LPP: variants seen among roughly 807,000 people sequenced by gnomAD.
LPP encodes lipoma-preferred partner.
Under a neutral mutation model 60.4 loss-of-function variants are expected in LPP, and 38 were observed. The observed-to-expected ratio is 0.63, with a 90% CI of 0.49 to 0.83. LPP has a LOEUF of 0.83. Ranked by LOEUF, LPP falls within the 40% of genes least tolerant of loss-of-function variation. The pLI is 0.00. For missense variants in LPP, 902 were observed against 783.6 expected, an observed-to-expected ratio of 1.15 and a Z score of -1.80; for synonymous variants, 328 against 290.8, an observed-to-expected ratio of 1.13 and a Z score of -1.30.
At chr3:188,443,218 G>A (rs1483831319) in intron 4 of LPP, among the ~76,000 whole-genome samples, 17 of 152,178 alleles carry the variant, frequency 1.1e-4, no homozygotes, top group African/African-American at 2.2e-4. Flanking sequence ...TCTATTAAGT[G>A]TTCATTGACC....
chr3:188,492,724 C>T (rs936622980), intron 5 of LPP, among the ~76,000 whole-genome samples: 1 of 151,834 alleles, frequency 6.6e-6, no homozygotes, highest in Middle Eastern at 3.2e-3. Context: ...AAAACAGTAA[C>T]GTAAAAAAAT....
chr3:188,410,777 A>T (rs567734858), intron 4 of LPP, among the ~76,000 whole-genome samples: 24 of 152,174 alleles, frequency 1.6e-4, no homozygotes, highest in Non-Finnish European at 2.9e-5. Context: ...TTTGGGGAAC[A>T]GGTGGTTTTT....
chr3:188,438,354 TACAC>T (rs67832532), intron 4 of LPP, among the ~76,000 whole-genome samples: 8,494 of 137,952 alleles, frequency 0.062, 351 homozygotes, highest in East Asian at 0.16. Context: ...TTCCATGCAT[TACAC>T]ACACACACAC....
chr3:188,827,671 A>T (rs952145003), intron 9 of LPP, among the ~76,000 whole-genome samples: 1 of 152,114 alleles, frequency 6.6e-6, no homozygotes, highest in African/African-American at 2.4e-5. Context: ...GTAGAAGGAG[A>T]TGAAGGCCAG....
rs114067668 is a variant in LPP, at chr3:188,459,842, G to T, written c.194-24750G>T. Reference sequence around the variant, plus strand: ...AGCAATCTATATTGATTATTCATGGGGGGGGGTTCTTTGTTCTGAGATCAG... The same window carrying T: ...AGCAATCTATATTGATTATTCATGGTGGGGGGTTCTTTGTTCTGAGATCAG... On this transcript the variant is annotated intron_variant, in intron 4 of 11. Transcript: ENST00000617246. Among the ~76,000 whole-genome samples, 7 of 151,218 alleles carry T rather than the reference G, an allele frequency of 4.6e-5. No individual in the cohort carries two copies. In the East Asian group the frequency reaches 1.2e-3, roughly 25 times the overall value.
intron 4 of LPP, among the ~76,000 whole-genome samples, chr3:188,426,918 G>A (rs1436093234): frequency 6.6e-6 from 1 of 152,162 alleles, no homozygotes; most frequent in Non-Finnish European, 1.5e-5. Flanking sequence ...TTGCCAGTCT[G>A]TGTCTTTTAA....
intron 2 of LPP, among the ~76,000 whole-genome samples, chr3:188,234,014 G>T (rs1721017820): frequency 6.6e-6 from 1 of 151,974 alleles, no homozygotes; most frequent in Non-Finnish European, 1.5e-5. Flanking sequence ...TACTTCACTG[G>T]TTCCCACAAA....
chr3:188,626,401 T>G (rs1217713339), intron 7 of LPP, among the ~76,000 whole-genome samples: 2 of 152,150 alleles, frequency 1.3e-5, no homozygotes, highest in African/African-American at 2.4e-5. Flanking sequence ...TATAAGGGAT[T>G]TGAGCATCCA....
At position 188,529,029 on chromosome 3, in the gene LPP, T is replaced by C. The variant is rs145403950; in HGVS notation, c.429+4242T>C. Among the ~76,000 whole-genome samples the C allele has an allele frequency of 1.9e-4, 29 of 152,350 alleles. 1 individual carries two copies. Among genetic ancestry groups the C allele is most frequent in the African/African-American group, 6.7e-4 (28 of 41,580 alleles). On this transcript the variant is annotated intron_variant, in intron 6 of 11. Coordinates refer to ENST00000617246, the MANE Select transcript of LPP (RefSeq NM_001375462.1). The stretch of plus-strand genomic sequence containing the variant: ...CCTGTTCCATTCAGAAATTAAAGGA[T>C]GATCCATTCTAATTTTTTTCTATTA...
At chr3:188,592,553 T>TTTTTTTTTTTTGTTTG (rs1553936328) in intron 6 of LPP, among the ~76,000 whole-genome samples, 7 of 121,280 alleles carry the variant, frequency 5.8e-5, no homozygotes, top group African/African-American at 1.7e-4. Flanking sequence ...TTAGTTTTGT[T>TTTTTTTTTTTTGTTTG]TTTGTTTTTT....
chr3:188,451,982 T>C (rs1796695145), intron 4 of LPP, among the ~76,000 whole-genome samples: 1 of 152,156 alleles, frequency 6.6e-6, no homozygotes, highest in African/African-American at 2.4e-5. Flanking sequence ...AAAAAATAGG[T>C]AAGGGGCTCG....
chr3:188,174,437 G>A (rs777856768), intron 1 of LPP, among the ~76,000 whole-genome samples: 4 of 152,226 alleles, frequency 2.6e-5, no homozygotes, highest in South Asian at 2.1e-4. Flanking sequence ...CGAAGCGTGC[G>A]CAGGCATTGA....
intron 9 of LPP, among the ~76,000 whole-genome samples, chr3:188,856,072 G>T (rs13080902): frequency 0.12 from 18,126 of 152,148 alleles, 1,547 homozygotes; most frequent in Non-Finnish European, 0.18. Flanking sequence ...CTTCACAGGC[G>T]TGGGTACCAG....
intron 7 of LPP, among the ~76,000 whole-genome samples, chr3:188,619,635 A>G (rs2151532834): frequency 6.6e-6 from 1 of 152,362 alleles, no homozygotes; most frequent in South Asian, 2.1e-4. Flanking sequence ...AAGATGCAAC[A>G]GAGACCGTAT....
At chr3:188,594,972 T>C (rs1218138858) in intron 6 of LPP, among the ~76,000 whole-genome samples, 1 of 152,194 alleles carries the variant, frequency 6.6e-6, no homozygotes, top group Admixed American at 6.5e-5. Flanking sequence ...ATAACAGGAT[T>C]AAGTATCCTA....
intron 7 of LPP, among the ~76,000 whole-genome samples, chr3:188,640,560 AAAG>A (rs1849888440): frequency 2.0e-5 from 3 of 151,362 alleles, no homozygotes; most frequent in African/African-American, 7.3e-5. Context: ...GAAAAAAAAA[AAAG>A]AAACAGATCC....
chr3:188,464,217 T>A (rs7645630), intron 4 of LPP, among the ~76,000 whole-genome samples: 100,813 of 152,000 alleles, frequency 0.66, 33,508 homozygotes, highest in Admixed American at 0.71. Context: ...TATAGCAAAA[T>A]ATTTTTTGGA....
In LPP at chr3:188,761,239, C is replaced by T. The variant is rs534607095; in HGVS notation, c.1410+957C>T. 4.3e-4 allele frequency among the ~76,000 whole-genome samples: 65 copies of T among 152,272 alleles called. 1 individual carries two copies. Among genetic ancestry groups the T allele is most frequent in the African/African-American group, 1.5e-3 (62 of 41,558 alleles). ...CTTTACCAAGGTATTGGGAGTCATA[C>T]TTGGCTTTACAAGGTTCACATTTAT... On this transcript the variant is annotated intron_variant, in intron 9 of 11. Transcript: ENST00000617246.
At chr3:188,517,429 A>G (rs747262642) in intron 5 of LPP, among the ~76,000 whole-genome samples, 1 of 152,232 alleles carries the variant, frequency 6.6e-6, no homozygotes, top group Non-Finnish European at 1.5e-5. Flanking sequence ...AATAGTTTGG[A>G]TATCTGTCCC....
Sources: gnomAD v4.1 joint callset for allele counts (sites outside exome capture counted in the v4.1 genomes callset) on GRCh38, gnomAD v4.1.1 for gene constraint, MANE v1.5 for transcripts, NCBI Gene and HGNC (gene_info 2026-07-23, HGNC 2026-07-21) for gene names.